Variants in TRIM34 observed in about 807,000 individuals in gnomAD.
The protein encoded by TRIM34 is E3 ubiquitin-protein ligase TRIM34.
A neutral mutation model predicts 38.1 loss-of-function variants in TRIM34; 41 were observed. The observed-to-expected ratio is 1.08, with a 90% CI of 0.84 to 1.40. TRIM34 has a LOEUF of 1.40. Ranked by LOEUF, TRIM34 falls within the 40% of genes most tolerant of loss-of-function variation. The probability of loss-of-function intolerance (pLI) is 0.00; values close to 1 mark genes in which losing one functional copy is unlikely to be tolerated. For synonymous variants in TRIM34, 200 were observed against 202.5 expected (o/e 0.99, Z 0.10); for missense variants, 556 against 571.4 (o/e 0.97, Z 0.27).
Position 5,643,595 on chromosome 11 carries a change from C to G in TRIM34, c.1353C>G (p.Ser451Arg). Reference sequence around the variant, plus strand: ...TTGTCTCATTTTTCAATGTCACAAGCCATGGCTCCCTCATTTACAAGTTCT... The same window carrying G: ...TTGTCTCATTTTTCAATGTCACAAGGCATGGCTCCCTCATTTACAAGTTCT... ...AGIVSFFNVT[S>R]HGSLIYKFSK... is the part of the protein sequence containing the mutation. Residue 451 changes from serine to arginine, a missense_variant, in exon 8 of 8, where the codon AGC becomes AGG. Transcript: ENST00000429814. The G allele has an allele frequency of 6.2e-7, 1 of 1,614,126 alleles. No homozygotes were observed. Among genetic ancestry groups the G allele is most frequent in the Non-Finnish European group, 8.5e-7 (1 of 1,180,006 alleles).
intron 1 of TRIM34, among the ~76,000 whole-genome samples, 156 bp downstream of exon 1, chr11:5,625,216 TAGC>T (rs1050834358): frequency 3.9e-5 from 6 of 152,186 alleles, no homozygotes; most frequent in African/African-American, 1.4e-4. Context: ...TGCACACTGA[TAGC>T]AGCCTAGAGT....
intron 3 of TRIM34, among the ~76,000 whole-genome samples, chr11:5,634,261 C>A (rs1849615498): frequency 6.6e-6 from 1 of 151,942 alleles, no homozygotes; most frequent in Non-Finnish European, 1.5e-5. Flanking sequence ...TCATGAATAT[C>A]CAGGAAAGCT....
chr11:5,628,051 C>A (rs939048425), intron 1 of TRIM34, among the ~76,000 whole-genome samples: 1 of 152,212 alleles, frequency 6.6e-6, no homozygotes. Flanking sequence ...CCCTTCTCTA[C>A]CTCCCTGACT....
intron 6 of TRIM34, 29 bp downstream of exon 6, chr11:5,642,535 T>C (rs753944179): frequency 6.2e-7 from 1 of 1,610,496 alleles, no homozygotes; most frequent in Admixed American, 1.7e-5. Context: ...AGACTGTGGA[T>C]GTGGGATTGT....
intron 4 of TRIM34, among the ~76,000 whole-genome samples, chr11:5,636,613 T>C (rs901128852): frequency 6.6e-5 from 10 of 152,196 alleles, no homozygotes; most frequent in African/African-American, 2.2e-4. Context: ...AATCGCCACC[T>C]TCACAAAAGA....
In TRIM34 at chr11:5,643,816, A is replaced by G. The variant is rs1423214098; in HGVS notation, c.*107A>G. The G allele has an allele frequency of 2.1e-6, 3 of 1,396,332 alleles. No homozygotes were observed. The highest frequency in any genetic ancestry group is 2.9e-6 in the Non-Finnish European group (3 of 1,036,818). The allele number at this position is 1,396,332 out of a possible 1,614,324, so 86.5% of individuals were successfully genotyped here. A position where few individuals can be genotyped will look rare whatever the true frequency, so the allele number is the denominator to read the frequency against. ...TTCCTTGTGGTTTCCCTTCTTTAGA[A>G]CTTTTACTCATCCTTGAGATGTATG... On this transcript the variant is annotated 3_prime_UTR_variant, in exon 8 of 8. Coordinates refer to ENST00000429814, the MANE Select transcript of TRIM34 (RefSeq NM_021616.6).
upstream of TRIM34, among the ~76,000 whole-genome samples, chr11:5,624,482 T>C (rs562806070): frequency 6.6e-6 from 1 of 152,296 alleles, no homozygotes; most frequent in Admixed American, 6.5e-5. Context: ...TCGTTGGAGC[T>C]GAAGGATAAT....
intron 4 of TRIM34, among the ~76,000 whole-genome samples, chr11:5,636,247 A>G (rs1849729645): frequency 6.6e-6 from 1 of 152,222 alleles, no homozygotes; most frequent in African/African-American, 2.4e-5. Flanking sequence ...CCTTGAAAAC[A>G]TTATAATTGA....
chr11:5,634,630 G>A lies in TRIM34; in HGVS notation c.520-1G>A, dbSNP rs764366244. On this transcript the variant is annotated splice_acceptor_variant, in intron 3 of 7. Transcript: ENST00000429814. LOFTEE classifies it high-confidence loss of function. ...CAACTCTCTCTTGTCCATCCTTGCA[G>A]TATCAGGTACAAACTGAGAGACAAA... 1 of 1,610,366 alleles carries A rather than the reference G, an allele frequency of 6.2e-7. No homozygotes were observed.
chr11:5,621,176 T>C (rs564739220), upstream of TRIM34, among the ~76,000 whole-genome samples: 1 of 152,206 alleles, frequency 6.6e-6, no homozygotes, highest in Non-Finnish European at 1.5e-5. Context: ...TGCCCGAGGC[T>C]CTGGATCACT....
chr11:5,642,650 C>A (rs1850062948), intron 6 of TRIM34, 144 bp downstream of exon 6: 1 of 1,372,858 alleles, frequency 7.3e-7, no homozygotes, highest in Non-Finnish European at 9.8e-7. Flanking sequence ...GAAGAGGATG[C>A]ATTTATATGT....
chr11:5,629,051 T>G (rs1849366143), intron 1 of TRIM34, among the ~76,000 whole-genome samples: 1 of 151,946 alleles, frequency 6.6e-6, no homozygotes. Context: ...CCGAGACAGG[T>G]GGATCACCTG....
chr11:5,620,254 T>G (rs1848940883), upstream of TRIM34, among the ~76,000 whole-genome samples: 1 of 133,018 alleles, frequency 7.5e-6, no homozygotes, highest in African/African-American at 2.9e-5. Context: ...CTCGGCTCAC[T>G]GCAACCTCCG....
At chr11:5,627,108 T>G (rs1410455833) in intron 1 of TRIM34, among the ~76,000 whole-genome samples, 2 of 152,052 alleles carry the variant, frequency 1.3e-5, no homozygotes, top group Non-Finnish European at 2.9e-5. Context: ...GTGGGCACAG[T>G]AGCTCACACC....
intron 2 of TRIM34, among the ~76,000 whole-genome samples, chr11:5,633,276 G>A (rs1443778379): frequency 2.0e-5 from 3 of 150,404 alleles, no homozygotes; most frequent in African/African-American, 2.4e-5. Context: ...TCTGAGTCCC[G>A]TGATCTTCTC....
chr11:5,634,528 C>CATAT (rs1206053252), intron 3 of TRIM34, 103 bp from the exon 4 acceptor site: 3 of 537,082 alleles, frequency 5.6e-6, no homozygotes, highest in African/African-American at 4.9e-5. Flanking sequence ...CACACACACA[C>CATAT]ACATATATAT....
At position 5,642,628 on chromosome 11, in the gene TRIM34, A is replaced by G. The variant is rs572087543; in HGVS notation, c.874+122A>G. ...GAGGAGGGAGGTCAGAGAATAAGGA[A>G]TATTCTGTGGTGAAGAGGATGCATT... On this transcript the variant is annotated intron_variant, in intron 6 of 7. Coordinates refer to ENST00000429814, the MANE Select transcript of TRIM34 (RefSeq NM_021616.6). 4.3e-4 allele frequency: 593 copies of G among 1,392,740 alleles called. 8 individuals carry two copies. In the South Asian group the frequency reaches 8.0e-3, roughly 19 times the overall value. 86.3% of individuals were successfully genotyped at this position (1,392,740 alleles called of 1,614,324 possible).
At chr11:5,642,067 C>G (rs1203843108) in intron 5 of TRIM34, among the ~76,000 whole-genome samples, 2 of 152,170 alleles carry the variant, frequency 1.3e-5, no homozygotes, top group Non-Finnish European at 2.9e-5. Context: ...ATATCACATA[C>G]CATTTCTACA....
In TRIM34 at chr11:5,643,870, C is replaced by T. The variant is rs1340322103; in HGVS notation, c.*161C>T. 3.3e-6 allele frequency: 3 copies of T among 910,392 alleles called. No individual in the cohort carries two copies. In the East Asian group the frequency reaches 7.9e-5, roughly 24 times the overall value. The allele number at this position is 910,392 out of a possible 1,614,324, so 56.4% of individuals were successfully genotyped here. ...TATTTGGCTTGAGTTATGAGAGATG[C>T]TTATTTATTCATTTACTCTTTTTCA... On this transcript the variant is annotated 3_prime_UTR_variant, in exon 8 of 8. Coordinates refer to ENST00000429814, the MANE Select transcript of TRIM34 (RefSeq NM_021616.6).
Sources: allele counts gnomAD v4.1 joint callset (sites outside exome capture counted in the v4.1 genomes callset), GRCh38; gene constraint gnomAD v4.1.1; transcripts MANE v1.5; gene names NCBI Gene and HGNC (gene_info 2026-07-23, HGNC 2026-07-21).